Variants in KCNIP4 observed in about 807,000 individuals in gnomAD.
KCNIP4 encodes the protein Kv channel-interacting protein 4.
KCNIP4 carries 12 observed loss-of-function variants against 34.0 expected under a neutral mutation model. The observed-to-expected ratio is 0.35, with a 90% CI of 0.23 to 0.57. The LOEUF (loss-of-function observed/expected upper bound fraction) is 0.57, where lower values mean the gene tolerates loss of function less well. Among genes scored for constraint, KCNIP4 ranks in the 20% least tolerant of loss-of-function variants. KCNIP4 has a pLI of 0.83. For synonymous variants in KCNIP4, 124 were observed against 102.2 expected, an observed-to-expected ratio of 1.21 and a Z score of -1.29; for missense variants, 238 against 311.7, an observed-to-expected ratio of 0.76 and a Z score of 1.78.
At chr4:21,048,713 C>T (rs939198192) in intron 1 of KCNIP4, among the ~76,000 whole-genome samples, 1 of 152,094 alleles carries the variant, frequency 6.6e-6, no homozygotes, top group Non-Finnish European at 1.5e-5. Context: ...ATGGTTCTTT[C>T]GTTGAGAAGT....
chr4:21,200,380 G>A (rs56358418), intron 1 of KCNIP4, among the ~76,000 whole-genome samples: 1,093 of 52,370 alleles, frequency 0.021, 68 homozygotes, highest in African/African-American at 0.064. Context: ...ACATATATGT[G>A]TGTATATATA....
rs5856618 is a variant in KCNIP4, at chr4:21,267,356, TA to T, written c.62-384648del. On this transcript the variant is annotated intron_variant, in intron 1 of 8. Coordinates refer to ENST00000382152, the MANE Select transcript of KCNIP4 (RefSeq NM_025221.6). ...GGGTCCTGCATGAATAAAGGTAGATTAAAAAAAAAAAAACTCTTCTGACACT... is the reference window on the plus strand; with the variant it reads ...GGGTCCTGCATGAATAAAGGTAGATTAAAAAAAAAAAACTCTTCTGACACT... Among the ~76,000 whole-genome samples the T allele has an allele frequency of 5.7e-3, 821 of 144,210 alleles. 2 individuals carry two copies. The highest frequency in any genetic ancestry group is 0.015 in the East Asian group (73 of 4,954). The allele number at this position is 144,210 out of a possible 152,430, so 94.6% of individuals were successfully genotyped here. A position where few individuals can be genotyped will look rare whatever the true frequency, so the allele number is the denominator to read the frequency against.
chr4:21,549,878 T>A (rs1398662273), intron 1 of KCNIP4, among the ~76,000 whole-genome samples: 1 of 152,068 alleles, frequency 6.6e-6, no homozygotes, highest in Non-Finnish European at 1.5e-5. Context: ...GCTCACATGT[T>A]AAATCTGGGA....
At chr4:21,035,500 G>GGCTCA (rs1466769159) in intron 1 of KCNIP4, among the ~76,000 whole-genome samples, 1 of 152,132 alleles carries the variant, frequency 6.6e-6, no homozygotes, top group Non-Finnish European at 1.5e-5. Context: ...CACAAGTTAT[G>GGCTCA]GCTCATGTTT....
At chr4:21,414,841 T>C (rs1332528354) in intron 1 of KCNIP4, among the ~76,000 whole-genome samples, 1 of 152,184 alleles carries the variant, frequency 6.6e-6, no homozygotes, top group Non-Finnish European at 1.5e-5. Context: ...ACATGGTGTA[T>C]ATATTTATGG....
chr4:21,719,963 CAA>C (rs35540264), intron 1 of KCNIP4, among the ~76,000 whole-genome samples: 15 of 24,006 alleles, frequency 6.2e-4, no homozygotes, highest in Admixed American at 7.7e-4. Context: ...AGCTCCATCT[CAA>C]AAAAAAAAAA....
intron 1 of KCNIP4, among the ~76,000 whole-genome samples, chr4:21,206,381 T>A (rs1756853684): frequency 6.6e-6 from 1 of 152,200 alleles, no homozygotes; most frequent in Admixed American, 6.5e-5. Context: ...TCAAACAGAC[T>A]TATCTCTGAG....
At chr4:21,894,327 C>A (rs1362420650) in intron 1 of KCNIP4, among the ~76,000 whole-genome samples, 1 of 142,016 alleles carries the variant, frequency 7.0e-6, no homozygotes, top group East Asian at 2.0e-4. Flanking sequence ...AAAGTGAGAC[C>A]CAGTCTCAAA....
At chr4:21,934,770 C>G (rs908320416) in intron 1 of KCNIP4, among the ~76,000 whole-genome samples, 1 of 152,028 alleles carries the variant, frequency 6.6e-6, no homozygotes, top group Non-Finnish European at 1.5e-5. Flanking sequence ...AGCCACGATG[C>G]CTTGGTTAAT....
intron 1 of KCNIP4, among the ~76,000 whole-genome samples, chr4:21,153,284 T>C (rs1190757446): frequency 3.9e-5 from 6 of 152,240 alleles, no homozygotes; most frequent in Middle Eastern, 3.4e-3. Flanking sequence ...TTTATTTTCC[T>C]GAAACCTTGC....
intron 1 of KCNIP4, among the ~76,000 whole-genome samples, chr4:21,099,370 C>A (rs969004378): frequency 6.6e-6 from 1 of 152,104 alleles, no homozygotes; most frequent in African/African-American, 2.4e-5. Context: ...GAACAGAAAA[C>A]CAAACACCGC....
At chr4:21,016,411 G>A (rs1157433902) in intron 1 of KCNIP4, among the ~76,000 whole-genome samples, 1 of 150,654 alleles carries the variant, frequency 6.6e-6, no homozygotes, top group Non-Finnish European at 1.5e-5. Context: ...CCATTCTCCT[G>A]CCTCATCCTG....
At chr4:21,195,935 C>T (rs542923878) in intron 1 of KCNIP4, among the ~76,000 whole-genome samples, 310 of 152,308 alleles carry the variant, frequency 2.0e-3, no homozygotes, top group Non-Finnish European at 3.7e-3. Flanking sequence ...AGCATCATTC[C>T]TGCAAGGAAG....
At chr4:21,487,718 A>G (rs1732038687) in intron 1 of KCNIP4, among the ~76,000 whole-genome samples, 1 of 152,182 alleles carries the variant, frequency 6.6e-6, no homozygotes, top group Non-Finnish European at 1.5e-5. Flanking sequence ...TTGTTTCAAT[A>G]TAGACTTGGA....
chr4:20,927,060 C>A (rs1022230291), intron 1 of KCNIP4, among the ~76,000 whole-genome samples: 3 of 151,674 alleles, frequency 2.0e-5, no homozygotes, highest in Non-Finnish European at 4.4e-5. Context: ...CTCACTGCAA[C>A]CTCCGCCTCC....
At chr4:21,757,007 G>A (rs529107487) in intron 1 of KCNIP4, among the ~76,000 whole-genome samples, 16 of 151,406 alleles carry the variant, frequency 1.1e-4, no homozygotes, top group African/African-American at 3.6e-4. Context: ...TGAGGCAGCA[G>A]AATCGCTTGA....
At chr4:21,833,311 TG>T (rs1036144745) in intron 1 of KCNIP4, among the ~76,000 whole-genome samples, 1 of 152,114 alleles carries the variant, frequency 6.6e-6, no homozygotes, top group Non-Finnish European at 1.5e-5. Flanking sequence ...TATCTCATTG[TG>T]GTTTTGATTT....
intron 1 of KCNIP4, among the ~76,000 whole-genome samples, chr4:21,779,503 T>A (rs1026608159): frequency 6.6e-6 from 1 of 152,218 alleles, no homozygotes; most frequent in African/African-American, 2.4e-5. Context: ...TATTTCACAA[T>A]GTATACACAT....
At chr4:21,844,583 T>G (rs1176506817) in intron 1 of KCNIP4, 1 of 152,108 alleles carries the variant, frequency 6.6e-6, no homozygotes, top group Non-Finnish European at 1.5e-5. Flanking sequence ...TCCTGCTAGC[T>G]GACCTTCATT....
Sources: allele counts gnomAD v4.1 joint callset (sites outside exome capture counted in the v4.1 genomes callset), GRCh38; gene constraint gnomAD v4.1.1; transcripts MANE v1.5; gene names NCBI Gene and HGNC (gene_info 2026-07-23, HGNC 2026-07-21).